SCAPER: variants seen among roughly 807,000 people sequenced by gnomAD.
SCAPER encodes the protein S-phase cyclin A associated protein in the ER, also known as S phase cyclin A-associated protein in the endoplasmic reticulum.
In SCAPER, 98 loss-of-function variants were observed where a neutral mutation model predicts 182.2. That is an observed-to-expected ratio of 0.54 (90% CI 0.46 to 0.64). The LOEUF (loss-of-function observed/expected upper bound fraction) is 0.64. Ranked by LOEUF, SCAPER falls within the 30% of genes least tolerant of loss-of-function variation. The probability of loss-of-function intolerance (pLI) is 0.00; values close to 1 mark genes in which losing one functional copy is unlikely to be tolerated. For synonymous variants in SCAPER, 605 were observed against 564.6 expected (o/e 1.07, Z -1.01); for missense variants, 1,432 against 1,690.0 (o/e 0.85, Z 2.68).
chr15:76,559,254 C>T (rs964048953), intron 23 of SCAPER, among the ~76,000 whole-genome samples: 2 of 144,806 alleles, frequency 1.4e-5, no homozygotes, highest in Non-Finnish European at 3.0e-5. Flanking sequence ...CGGGGTTTCA[C>T]CATGTTGGCC....
At chr15:76,376,060 G>A in intron 29 of SCAPER, 102 bp downstream of exon 29, 1 of 1,421,388 alleles carries the variant, frequency 7.0e-7, no homozygotes, top group Non-Finnish European at 9.6e-7. Flanking sequence ...GCTTTACAGA[G>A]GACATTTGGG....
At chr15:76,881,931 G>A (rs982632602) in intron 2 of SCAPER, among the ~76,000 whole-genome samples, 1 of 152,172 alleles carries the variant, frequency 6.6e-6, no homozygotes, top group African/African-American at 2.4e-5. Context: ...AAGGGAAGAA[G>A]AGGAAGAAGA....
At chr15:76,749,601 A>G (rs2061980235) in intron 15 of SCAPER, among the ~76,000 whole-genome samples, 1 of 152,126 alleles carries the variant, frequency 6.6e-6, no homozygotes, top group Non-Finnish European at 1.5e-5. Flanking sequence ...GTACATATAC[A>G]GAAATCAACT....
At chr15:76,860,164 CT>C (rs776143311) in intron 3 of SCAPER, among the ~76,000 whole-genome samples, 73 of 152,244 alleles carry the variant, frequency 4.8e-4, no homozygotes, top group Middle Eastern at 3.4e-3. Context: ...ATAGAAACAA[CT>C]TTAATAGAAA....
In SCAPER at chr15:76,497,944, T is replaced by C. The variant is rs1018610928; in HGVS notation, c.2954+6915A>G. Among the ~76,000 whole-genome samples, 7 of 130,374 alleles carry C rather than the reference T, an allele frequency of 5.4e-5. No homozygotes were observed. In the East Asian group the frequency reaches 1.7e-3, roughly 32 times the overall value. 85.5% of individuals were successfully genotyped at this position (130,374 alleles called of 152,430 possible). On this transcript the variant is annotated intron_variant, in intron 24 of 31. Coordinates refer to ENST00000563290, the MANE Select transcript of SCAPER (RefSeq NM_020843.4). ...AAACAGAGGTTGCAGTGAGCCGAGA[T>C]TGTGCCACTGCACTCCAGCCTGGTG...
At chr15:76,723,416 G>A (rs2060382632) in intron 17 of SCAPER, among the ~76,000 whole-genome samples, 1 of 152,116 alleles carries the variant, frequency 6.6e-6, no homozygotes, top group South Asian at 2.1e-4. Flanking sequence ...TGTTGATTTG[G>A]GGTGGAGAGT....
At chr15:76,377,238 G>A (rs1177329634) in intron 28 of SCAPER, among the ~76,000 whole-genome samples, 1 of 152,186 alleles carries the variant, frequency 6.6e-6, no homozygotes, top group Non-Finnish European at 1.5e-5. Context: ...AGCCATTTTA[G>A]CGAGCATTCC....
At chr15:76,604,866 AC>A (rs1437683876) in intron 22 of SCAPER, among the ~76,000 whole-genome samples, 1 of 151,702 alleles carries the variant, frequency 6.6e-6, no homozygotes, top group Non-Finnish European at 1.5e-5. Flanking sequence ...TGATTTTTGC[AC>A]ATTTATTTTG....
intron 23 of SCAPER, chr15:76,567,501 T>C (rs2047125398): frequency 9.7e-6 from 3 of 309,492 alleles, no homozygotes; most frequent in Non-Finnish European, 2.0e-5. Context: ...TCACAAACAT[T>C]GTCTGTATGT....
In SCAPER at chr15:76,595,603, TAACA is replaced by T. The variant is rs1307020037; in HGVS notation, c.2712-21323_2712-21320del. ...AGCAAATGCAAAAGAACAGAAATCA[TAACA>T]AACAGTCTCTCAGACCACAGCACAA... On this transcript the variant is annotated intron_variant, in intron 22 of 31. Transcript: ENST00000563290. 2.1e-4 allele frequency among the ~76,000 whole-genome samples: 26 copies of T among 121,972 alleles called. 3 individuals are homozygous for T. Among genetic ancestry groups the T allele is most frequent in the Middle Eastern group, 5.0e-3 (1 of 200 alleles). 80.0% of individuals were successfully genotyped at this position (121,972 alleles called of 152,430 possible).
chr15:76,806,795 C>G lies in SCAPER; in HGVS notation c.394-2162G>C, dbSNP rs550699236. Among the ~76,000 whole-genome samples the G allele has an allele frequency of 6.6e-5, 10 of 152,208 alleles. No individual in the cohort carries two copies. In the East Asian group the frequency reaches 1.7e-3, roughly 26 times the overall value. On this transcript the variant is annotated intron_variant, in intron 5 of 31. Transcript: ENST00000563290. The stretch of plus-strand genomic sequence containing the variant: ...CATCTTACACTACTTTAAATTTATG[C>G]CTAAATATTTTATTGTTTTTGATGT...
chr15:76,422,619 C>T (rs1265956042), intron 26 of SCAPER, among the ~76,000 whole-genome samples: 43 of 152,170 alleles, frequency 2.8e-4, no homozygotes, highest in Admixed American at 2.7e-3. Flanking sequence ...ATTTCCTTCT[C>T]CTGCCTGATT....
chr15:76,609,874 TTC>T (rs2050819864), intron 22 of SCAPER, among the ~76,000 whole-genome samples: 1 of 152,202 alleles, frequency 6.6e-6, no homozygotes, highest in South Asian at 2.1e-4. Flanking sequence ...TAACCAGTAC[TTC>T]TTTTTTTTTC....
rs867557475 is a variant in SCAPER at position 76,348,725 on chromosome 15, C to A, written c.4111G>T (p.Gly1371Cys). Reference sequence around the variant, plus strand: ...GCCAGCTCAAGATAGTCTTGGGAACCAAGGCATTTCCCTGAGAGGGGGATA... The same window carrying A: ...GCCAGCTCAAGATAGTCTTGGGAACAAAGGCATTTCCCTGAGAGGGGGATA... Reference protein sequence around the residue: ...QPYQPKGKCLGSQDYLELANR... With the variant: ...QPYQPKGKCLCSQDYLELANR... Residue 1371 changes from glycine to cysteine, a missense_variant, in exon 32 of 32, where the codon GGT (glycine) becomes TGT (cysteine). Around this residue, in one of 5 missense-constraint regions of SCAPER, gnomAD observed 718 missense variants for 799.7 expected, o/e 0.90. Coordinates refer to ENST00000563290, the MANE Select transcript of SCAPER (RefSeq NM_020843.4). 6.6e-7 allele frequency: 1 copy of A among 1,524,296 alleles called. No homozygotes were observed. The allele number at this position is 1,524,296 out of a possible 1,614,324, so 94.4% of individuals were successfully genotyped here. A position where few individuals can be genotyped will look rare whatever the true frequency, so the allele number is the denominator to read the frequency against.
intron 20 of SCAPER, among the ~76,000 whole-genome samples, chr15:76,700,112 C>G (rs1439033640): frequency 6.6e-6 from 1 of 152,222 alleles, no homozygotes; most frequent in Non-Finnish European, 1.5e-5. Flanking sequence ...AAGGCATGGC[C>G]AGGCAAGGAC....
intron 23 of SCAPER, among the ~76,000 whole-genome samples, chr15:76,561,683 G>A (rs952889203): frequency 4.0e-5 from 6 of 151,528 alleles, no homozygotes; most frequent in Admixed American, 6.6e-5. Context: ...GCATCTATAC[G>A]GGCAAGAAAA....
rs541513809 is a variant in SCAPER at position 76,678,808 on chromosome 15, A to T, written c.2509-13019T>A. On this transcript the variant is annotated intron_variant, in intron 20 of 31. Coordinates refer to ENST00000563290, the MANE Select transcript of SCAPER (RefSeq NM_020843.4). ...TTTTATATAGCATCCCCATAGATAC[A>T]GCATACTGAAGATAATAAGTTAGGG... Among the ~76,000 whole-genome samples the T allele has an allele frequency of 5.9e-5, 9 of 152,300 alleles. No individual in the cohort carries two copies. The South Asian group carries it at 1.9e-3, about 32-fold the overall frequency.
intron 29 of SCAPER, among the ~76,000 whole-genome samples, chr15:76,368,773 C>G (rs764840133): frequency 6.6e-6 from 1 of 152,094 alleles, no homozygotes; most frequent in Non-Finnish European, 1.5e-5. Context: ...AAAATGAGTA[C>G]GCAAAGGTGC....
intron 5 of SCAPER, among the ~76,000 whole-genome samples, chr15:76,830,391 C>G (rs1168304896): frequency 6.6e-6 from 1 of 152,112 alleles, no homozygotes. Context: ...AATCTGCCTG[C>G]AGTGTGGAGA....
Sources: allele counts gnomAD v4.1 joint callset (sites outside exome capture counted in the v4.1 genomes callset), GRCh38; gene constraint gnomAD v4.1.1; regional missense constraint gnomAD v4.1.1; transcripts MANE v1.5; gene names NCBI Gene and HGNC (gene_info 2026-07-23, HGNC 2026-07-21).